Variants in STAG1 observed in about 807,000 individuals in gnomAD.
The protein encoded by STAG1 is cohesin subunit SA-1.
STAG1 carries 26 observed loss-of-function variants against 170.9 expected under a neutral mutation model. The ratio of observed to expected loss-of-function variants is 0.15; its 90% CI spans 0.11 to 0.21. The LOEUF is 0.21. STAG1 is among the 10% of genes least tolerant of loss of function. The pLI, the probability that STAG1 is intolerant of heterozygous loss-of-function variation, is 1.00. For synonymous variants in STAG1, 514 were observed against 497.7 expected, an observed-to-expected ratio of 1.03 and a Z score of -0.44; for missense variants, 964 against 1,509.5, an observed-to-expected ratio of 0.64 and a Z score of 5.99.
intron 4 of STAG1, among the ~76,000 whole-genome samples, chr3:136,578,500 G>C (rs1937524954): frequency 6.6e-6 from 1 of 152,200 alleles, no homozygotes; most frequent in African/African-American, 2.4e-5. Context: ...TCAGTTCACA[G>C]ACCCAGAGCC....
At chr3:136,714,953 A>ATATATATATATATTT (rs1383177403) in intron 1 of STAG1, among the ~76,000 whole-genome samples, 1 of 91,018 alleles carries the variant, frequency 1.1e-5, no homozygotes, top group Non-Finnish European at 2.4e-5. Flanking sequence ...ATATATATAT[A>ATATATATATATATTT]TATATATATA....
Position 136,366,963 on chromosome 3 carries a change from T to C in STAG1, c.2665A>G (p.Ile889Val). Residue 889 changes from isoleucine (I) to valine (V), a missense_variant, in exon 25 of 34, where the codon ATC becomes GTC. This residue lies in a region of STAG1 where 149 missense variants were observed against 301.3 expected (regional missense o/e 0.49). Transcript: ENST00000383202. The stretch of plus-strand genomic sequence containing the variant: ...TATACCTTCATGTAGTGTTTGAAGA[T>C]GTCTGCAGCTGCATGCATGTCAACA... ...DIVDMHAAAD[I>V]FKHYMKYYND... 1.9e-6 allele frequency: 3 copies of C among 1,605,022 alleles called. No homozygotes were observed. The highest frequency in any genetic ancestry group is 2.6e-6 in the Non-Finnish European group (3 of 1,174,248).
chr3:136,664,637 A>G (rs1941692259), intron 1 of STAG1, among the ~76,000 whole-genome samples: 2 of 152,164 alleles, frequency 1.3e-5, no homozygotes, highest in Non-Finnish European at 2.9e-5. Context: ...ACATTTGTGT[A>G]TTGTATGTAT....
At chr3:136,629,283 T>C (rs1361709701) in intron 2 of STAG1, among the ~76,000 whole-genome samples, 1 of 152,080 alleles carries the variant, frequency 6.6e-6, no homozygotes. Context: ...GTTTAGGAGA[T>C]GGGTCAGAAA....
chr3:136,425,926 A>T (rs1326242968), intron 16 of STAG1, among the ~76,000 whole-genome samples: 2 of 151,508 alleles, frequency 1.3e-5, no homozygotes, highest in Non-Finnish European at 2.9e-5. Context: ...CAGAACAATA[A>T]CCATTAGCAC....
At chr3:136,386,004 G>A (rs1026817211) in intron 22 of STAG1, among the ~76,000 whole-genome samples, 1 of 152,150 alleles carries the variant, frequency 6.6e-6, no homozygotes, top group Non-Finnish European at 1.5e-5. Flanking sequence ...GCTTAGCCAA[G>A]AAGAGAAACC....
At chr3:136,478,642 G>C (rs570135704) in intron 9 of STAG1, among the ~76,000 whole-genome samples, 1 of 151,974 alleles carries the variant, frequency 6.6e-6, no homozygotes, top group African/African-American at 2.4e-5. Flanking sequence ...GTTTCTCTTT[G>C]GTGACAAAAT....
chr3:136,510,953 A>G (rs1170365343), intron 7 of STAG1, among the ~76,000 whole-genome samples: 1 of 151,718 alleles, frequency 6.6e-6, no homozygotes, highest in Admixed American at 6.6e-5. Context: ...TTGTATTTTT[A>G]GTAGAGATAG....
At chr3:136,624,395 C>T (rs1940002321) in intron 2 of STAG1, among the ~76,000 whole-genome samples, 2 of 152,164 alleles carry the variant, frequency 1.3e-5, no homozygotes, top group Admixed American at 6.5e-5. Flanking sequence ...CCACCGTGCC[C>T]AGCCAATTAT....
intron 21 of STAG1, among the ~76,000 whole-genome samples, chr3:136,409,156 C>A (rs901437938): frequency 7.9e-5 from 12 of 151,728 alleles, no homozygotes; most frequent in Admixed American, 5.9e-4. Flanking sequence ...TCCAGCTACT[C>A]GGGAGGCAGA....
intron 28 of STAG1, 131 bp from the exon 29 acceptor site, chr3:136,349,494 G>A: frequency 1.5e-6 from 1 of 677,264 alleles, no homozygotes; most frequent in East Asian, 2.7e-5. Flanking sequence ...ACTATTAACA[G>A]TGGTCACCTT....
chr3:136,458,739 C>T (rs898008090), intron 13 of STAG1, among the ~76,000 whole-genome samples: 12 of 151,158 alleles, frequency 7.9e-5, no homozygotes, highest in Non-Finnish European at 4.4e-5. Context: ...GTGGCTGAAA[C>T]GATTAAAAAA....
At chr3:136,504,669 C>A (rs1214955535) in intron 7 of STAG1, among the ~76,000 whole-genome samples, 2 of 152,192 alleles carry the variant, frequency 1.3e-5, no homozygotes, top group African/African-American at 4.8e-5. Flanking sequence ...GAGCTTAATT[C>A]AGTATCTACC....
intron 9 of STAG1, among the ~76,000 whole-genome samples, chr3:136,478,387 A>G (rs1383813984): frequency 6.6e-6 from 1 of 152,210 alleles, no homozygotes; most frequent in Non-Finnish European, 1.5e-5. Context: ...TGTGAATTGT[A>G]AACAAATACA....
chr3:136,469,308 A>G (rs548721175), intron 12 of STAG1, among the ~76,000 whole-genome samples: 212 of 152,290 alleles, frequency 1.4e-3, no homozygotes, highest in African/African-American at 3.2e-3. Flanking sequence ...AAATCAATGT[A>G]CAAAAATCAC....
At chr3:136,606,346 G>A (rs1938937479) in intron 3 of STAG1, among the ~76,000 whole-genome samples, 1 of 151,884 alleles carries the variant, frequency 6.6e-6, no homozygotes, top group African/African-American at 2.4e-5. Flanking sequence ...CTGTCATCAC[G>A]CCCAGCTCAT....
At chr3:136,579,892 T>C (rs1035896053) in intron 4 of STAG1, among the ~76,000 whole-genome samples, 38 of 151,124 alleles carry the variant, frequency 2.5e-4, no homozygotes, top group African/African-American at 8.7e-4. Context: ...AATGAAAACA[T>C]TCCACCAGGT....
intron 7 of STAG1, among the ~76,000 whole-genome samples, chr3:136,507,221 CTG>C (rs1933811603): frequency 6.6e-6 from 1 of 152,150 alleles, no homozygotes; most frequent in Non-Finnish European, 1.5e-5. Flanking sequence ...TTGTCTCTCA[CTG>C]AATGTGTATT....
chr3:136,573,567 C>CA (rs1318229118), intron 4 of STAG1, among the ~76,000 whole-genome samples: 1 of 149,382 alleles, frequency 6.7e-6, no homozygotes, highest in East Asian at 2.0e-4. Context: ...TTTAACTGGC[C>CA]AAAAAAAATA....
Sources: gnomAD v4.1 joint callset for allele counts (sites outside exome capture counted in the v4.1 genomes callset) on GRCh38, gnomAD v4.1.1 for gene constraint, gnomAD v4.1.1 regional missense constraint, MANE v1.5 for transcripts, NCBI Gene and HGNC (gene_info 2026-07-23, HGNC 2026-07-21) for gene names.